Variants in SPIDR observed in about 807,000 individuals in gnomAD.
SPIDR encodes scaffold protein involved in DNA repair.
A neutral mutation model predicts 104.6 loss-of-function variants in SPIDR; 93 were observed. The observed-to-expected ratio is 0.89, with a 90% CI of 0.75 to 1.06. The LOEUF is 1.06. SPIDR is among the 50% of genes least tolerant of loss of function. The pLI is 0.00. For synonymous variants in SPIDR, 431 were observed against 416.9 expected, an observed-to-expected ratio of 1.03 and a Z score of -0.41; for missense variants, 1,154 against 1,111.2, an observed-to-expected ratio of 1.04 and a Z score of -0.55.
At chr8:47,544,345 G>A (rs1008188089) in intron 8 of SPIDR, among the ~76,000 whole-genome samples, 4 of 151,880 alleles carry the variant, frequency 2.6e-5, no homozygotes, top group Non-Finnish European at 5.9e-5. Context: ...TTCTCAACAA[G>A]GTCTACCAGA....
intron 10 of SPIDR, among the ~76,000 whole-genome samples, chr8:47,608,663 A>G (rs564065796): frequency 6.6e-6 from 1 of 152,188 alleles, no homozygotes; most frequent in Non-Finnish European, 1.5e-5. Context: ...TGAAGTGGGT[A>G]TCTCATTGTG....
At chr8:47,323,319 G>T (rs1156944177) in intron 5 of SPIDR, among the ~76,000 whole-genome samples, 1 of 152,124 alleles carries the variant, frequency 6.6e-6, no homozygotes, top group Non-Finnish European at 1.5e-5. Flanking sequence ...GTAAGTAGTT[G>T]TCATATAATT....
intron 9 of SPIDR, among the ~76,000 whole-genome samples, chr8:47,597,843 A>G (rs1382187812): frequency 6.6e-6 from 1 of 152,142 alleles, no homozygotes; most frequent in East Asian, 1.9e-4. Flanking sequence ...GACCACCCTA[A>G]GCACTGAATG....
At chr8:47,320,374 T>TA (rs1188642086) in intron 5 of SPIDR, among the ~76,000 whole-genome samples, 1 of 152,084 alleles carries the variant, frequency 6.6e-6, no homozygotes, top group Non-Finnish European at 1.5e-5. Context: ...CCTGGACACA[T>TA]ACACCCTCCC....
chr8:47,630,313 G>A (rs1217520621), intron 10 of SPIDR, among the ~76,000 whole-genome samples: 1 of 152,130 alleles, frequency 6.6e-6, no homozygotes, highest in Non-Finnish European at 1.5e-5. Context: ...TAATGTAAAC[G>A]TTGAAAAGAG....
At chr8:47,386,428 A>G (rs1353844350) in intron 5 of SPIDR, among the ~76,000 whole-genome samples, 1 of 152,158 alleles carries the variant, frequency 6.6e-6, no homozygotes, top group Non-Finnish European at 1.5e-5. Context: ...TTTTTTGGTT[A>G]CACTGAGGCT....
At chr8:47,564,063 T>C (rs538783132) in intron 8 of SPIDR, among the ~76,000 whole-genome samples, 1 of 149,854 alleles carries the variant, frequency 6.7e-6, no homozygotes, top group African/African-American at 2.5e-5. Flanking sequence ...TTTGCTTCTT[T>C]TTTCTTTTCT....
intron 10 of SPIDR, among the ~76,000 whole-genome samples, chr8:47,638,378 AG>A (rs1420302697): frequency 7.2e-5 from 11 of 152,186 alleles, no homozygotes; most frequent in Admixed American, 6.5e-5. Context: ...TCCTGAACTC[AG>A]GTGATTCCCT....
intron 5 of SPIDR, among the ~76,000 whole-genome samples, chr8:47,389,513 C>A (rs2060322639): frequency 6.6e-6 from 1 of 151,714 alleles, no homozygotes; most frequent in South Asian, 2.1e-4. Context: ...CACGGTGAAA[C>A]CCCGTCTGTA....
chr8:47,327,585 C>T (rs1458852823), intron 5 of SPIDR, among the ~76,000 whole-genome samples: 1 of 151,922 alleles, frequency 6.6e-6, no homozygotes, highest in Non-Finnish European at 1.5e-5. Flanking sequence ...CCCCTCGAGG[C>T]AGAGTCCTGT....
At chr8:47,691,492 C>T (rs893380923) in intron 11 of SPIDR, among the ~76,000 whole-genome samples, 1 of 152,128 alleles carries the variant, frequency 6.6e-6, no homozygotes, top group African/African-American at 2.4e-5. Context: ...TGAAGGGCTG[C>T]TCCAGGACAC....
intron 5 of SPIDR, among the ~76,000 whole-genome samples, chr8:47,314,959 TGC>T (rs2045013037): frequency 2.6e-5 from 4 of 152,156 alleles, no homozygotes; most frequent in African/African-American, 9.7e-5. Flanking sequence ...AGGTGTAGCA[TGC>T]AAACAGTAAG....
At chr8:47,666,373 T>C (rs1488792105) in intron 10 of SPIDR, among the ~76,000 whole-genome samples, 1 of 152,220 alleles carries the variant, frequency 6.6e-6, no homozygotes, top group Non-Finnish European at 1.5e-5. Flanking sequence ...TCCTTATTGC[T>C]GACTACAGTG....
intron 10 of SPIDR, among the ~76,000 whole-genome samples, chr8:47,662,008 T>A (rs987904230): frequency 3.3e-5 from 5 of 152,124 alleles, no homozygotes; most frequent in Non-Finnish European, 5.9e-5. Flanking sequence ...CTTCCACAGC[T>A]CCTTGTTCTC....
At chr8:47,472,449 G>A (rs1041468831) in intron 8 of SPIDR, among the ~76,000 whole-genome samples, 4 of 152,226 alleles carry the variant, frequency 2.6e-5, no homozygotes, top group African/African-American at 7.2e-5. Context: ...GGGTTAAGGG[G>A]CCAGTGGGTC....
At chr8:47,315,843 G>T (rs1390455175) in intron 5 of SPIDR, among the ~76,000 whole-genome samples, 1 of 152,080 alleles carries the variant, frequency 6.6e-6, no homozygotes, top group Non-Finnish European at 1.5e-5. Context: ...ACCTCACATG[G>T]TACCCAAAAG....
At chr8:47,690,401 C>A (rs1009183845) in intron 11 of SPIDR, among the ~76,000 whole-genome samples, 3 of 151,142 alleles carry the variant, frequency 2.0e-5, no homozygotes, top group African/African-American at 7.3e-5. Context: ...AATTTTATGT[C>A]CCCAATCTTG....
intron 8 of SPIDR, among the ~76,000 whole-genome samples, chr8:47,567,221 A>G (rs1302604387): frequency 6.7e-6 from 1 of 148,946 alleles, no homozygotes; most frequent in African/African-American, 2.5e-5. Flanking sequence ...CTATATATAT[A>G]TATATATTTT....
At chr8:47,652,944 C>A (rs943298702) in intron 10 of SPIDR, among the ~76,000 whole-genome samples, 1 of 152,062 alleles carries the variant, frequency 6.6e-6, no homozygotes, top group Non-Finnish European at 1.5e-5. Context: ...GCTAGTAGGC[C>A]CACTACAGTA....
Sources: allele counts gnomAD v4.1 joint callset (sites outside exome capture counted in the v4.1 genomes callset), GRCh38; gene constraint gnomAD v4.1.1; transcripts MANE v1.5; gene names NCBI Gene and HGNC (gene_info 2026-07-23, HGNC 2026-07-21).